Variants in OLFM3 observed in about 807,000 individuals in gnomAD.
OLFM3 encodes the protein noelin-3.
A neutral mutation model predicts 48.6 loss-of-function variants in OLFM3; 20 were observed. That is an observed-to-expected ratio of 0.41 (90% CI 0.29 to 0.60). The LOEUF (loss-of-function observed/expected upper bound fraction) is 0.60, where lower values mean the gene tolerates loss of function less well. Among genes scored for constraint, OLFM3 ranks in the 20% least tolerant of loss-of-function variants. The pLI is 0.28. For missense variants in OLFM3, 437 were observed against 544.3 expected (o/e 0.80, Z 1.96); for synonymous variants, 222 against 198.1 (o/e 1.12, Z -1.01).
chr1:101,990,050 T>C (rs923725735), intron 1 of OLFM3, among the ~76,000 whole-genome samples: 1 of 152,220 alleles, frequency 6.6e-6, no homozygotes. Flanking sequence ...AAATATATCT[T>C]TCCCCTATGT....
chr1:101,949,832 A>T (rs554332367), intron 1 of OLFM3, among the ~76,000 whole-genome samples: 38 of 150,064 alleles, frequency 2.5e-4, no homozygotes, highest in Admixed American at 1.1e-3. Context: ...CGGGAGGCTG[A>T]GGCACGAGAA....
At chr1:101,891,472 TA>T (rs1220445519) in intron 1 of OLFM3, among the ~76,000 whole-genome samples, 5 of 151,818 alleles carry the variant, frequency 3.3e-5, no homozygotes, top group Non-Finnish European at 5.9e-5. Flanking sequence ...ACTAGAGGAA[TA>T]AAAAAATATT....
chr1:101,923,818 G>A (rs1213508446), intron 1 of OLFM3, among the ~76,000 whole-genome samples: 2 of 152,024 alleles, frequency 1.3e-5, no homozygotes, highest in East Asian at 3.8e-4. Context: ...GGTTGGGACT[G>A]TGTTTTTTTC....
At chr1:101,875,633 T>A (rs1657268773) in intron 1 of OLFM3, among the ~76,000 whole-genome samples, 1 of 149,464 alleles carries the variant, frequency 6.7e-6, no homozygotes, top group African/African-American at 2.5e-5. Context: ...CAAGAAGTGG[T>A]TATCTACAGT....
intron 4 of OLFM3, among the ~76,000 whole-genome samples, chr1:101,813,540 G>C (rs1557684191): frequency 6.6e-6 from 1 of 152,146 alleles, no homozygotes; most frequent in Non-Finnish European, 1.5e-5. Flanking sequence ...TAGTTGTTCT[G>C]TCTGTACGAT....
chr1:101,930,321 G>C (rs914355371), intron 1 of OLFM3, among the ~76,000 whole-genome samples: 1 of 152,118 alleles, frequency 6.6e-6, no homozygotes, highest in Admixed American at 6.6e-5. Flanking sequence ...TATAATAGTG[G>C]CCATAGGCAA....
rs146657455 is a variant in OLFM3, at chr1:101,949,202, G to C, written c.69+47546C>G. On this transcript the variant is annotated intron_variant, in intron 1 of 5. Transcript: ENST00000370103. Reference sequence around the variant, plus strand: ...TTTGCTTGGTTTCCAAAACACCACTGTTTATGTTCCCTCCCTACCTCACTG... The same window carrying C: ...TTTGCTTGGTTTCCAAAACACCACTCTTTATGTTCCCTCCCTACCTCACTG... Among the ~76,000 whole-genome samples, 720 of 152,092 alleles carry C rather than the reference G, an allele frequency of 4.7e-3. 6 individuals are homozygous for C. The highest frequency in any genetic ancestry group is 0.017 in the African/African-American group (688 of 41,488).
chr1:101,937,775 C>T (rs760452177), intron 1 of OLFM3, among the ~76,000 whole-genome samples: 4 of 152,168 alleles, frequency 2.6e-5, no homozygotes, highest in Non-Finnish European at 5.9e-5. Context: ...CTTCATATCT[C>T]AAATACTTTC....
chr1:101,887,207 A>T (rs1168135531), intron 1 of OLFM3, among the ~76,000 whole-genome samples: 8 of 151,874 alleles, frequency 5.3e-5, no homozygotes, highest in African/African-American at 1.9e-4. Context: ...CAAAAAATTT[A>T]AAGAGTTGAC....
chr1:101,837,729 T>C (rs1047668544), intron 1 of OLFM3: 1 of 152,228 alleles, frequency 6.6e-6, no homozygotes, highest in Non-Finnish European at 1.5e-5. Flanking sequence ...TTTATGCTTC[T>C]AGATTTATCT....
chr1:101,860,128 G>A (rs1017026733), intron 1 of OLFM3, among the ~76,000 whole-genome samples: 5 of 152,024 alleles, frequency 3.3e-5, no homozygotes, highest in Non-Finnish European at 5.9e-5. Context: ...TGTAAGAGAA[G>A]TGTGAGTGAG....
At chr1:101,982,209 T>C (rs78121337) in intron 1 of OLFM3, among the ~76,000 whole-genome samples, 2,058 of 152,254 alleles carry the variant, frequency 0.014, 41 homozygotes, top group African/African-American at 0.047. Context: ...GGTGATGCAA[T>C]CTACAGTGCA....
chr1:101,990,581 A>G (rs1221285409), intron 1 of OLFM3, among the ~76,000 whole-genome samples: 1 of 152,232 alleles, frequency 6.6e-6, no homozygotes, highest in African/African-American at 2.4e-5. Flanking sequence ...GTTAGAGCTG[A>G]AAGCCACTTC....
chr1:101,907,824 A>G (rs184795756), intron 1 of OLFM3, among the ~76,000 whole-genome samples: 23 of 152,280 alleles, frequency 1.5e-4, no homozygotes, highest in Admixed American at 1.1e-3. Context: ...AGAAAGCTCT[A>G]TTTCCCTTAA....
chr1:101,841,946 G>C (rs1402884272), intron 1 of OLFM3, among the ~76,000 whole-genome samples: 2 of 152,144 alleles, frequency 1.3e-5, no homozygotes, highest in African/African-American at 4.8e-5. Context: ...AGATAGGCTT[G>C]GTCCCAGAGA....
intron 1 of OLFM3, among the ~76,000 whole-genome samples, chr1:101,895,127 G>C (rs1428631469): frequency 6.6e-6 from 1 of 152,048 alleles, no homozygotes; most frequent in East Asian, 1.9e-4. Flanking sequence ...CCCTTTCTAA[G>C]AGTAATTATG....
chr1:101,870,747 G>A (rs1657048410), intron 1 of OLFM3, among the ~76,000 whole-genome samples: 1 of 151,792 alleles, frequency 6.6e-6, no homozygotes, highest in African/African-American at 2.4e-5. Context: ...TGGGGGTGTA[G>A]GCAGAAAGGT....
intron 1 of OLFM3, among the ~76,000 whole-genome samples, chr1:101,962,501 C>T (rs1250323896): frequency 2.6e-5 from 4 of 152,054 alleles, no homozygotes; most frequent in Non-Finnish European, 5.9e-5. Flanking sequence ...TGACCAAATG[C>T]AACTTTCTTT....
At chr1:101,996,364 G>T (rs185132196) in intron 1 of OLFM3, among the ~76,000 whole-genome samples, 2 of 152,196 alleles carry the variant, frequency 1.3e-5, no homozygotes, top group South Asian at 2.1e-4. Context: ...ACAAAGAAAC[G>T]GTTCACCATG....
Sources: gnomAD v4.1 joint callset for allele counts (sites outside exome capture counted in the v4.1 genomes callset) on GRCh38, gnomAD v4.1.1 for gene constraint, MANE v1.5 for transcripts, NCBI Gene and HGNC (gene_info 2026-07-23, HGNC 2026-07-21) for gene names.